The following COL6A2 variants were observed in gnomAD, a reference collection of about 807,000 sequenced individuals.
The protein encoded by COL6A2 is collagen type VI alpha 2 chain, also known as collagen alpha-2(VI) chain.
A neutral mutation model predicts 124.9 loss-of-function variants in COL6A2; 90 were observed. That is an observed-to-expected ratio of 0.72 (90% CI 0.61 to 0.86). The LOEUF (loss-of-function observed/expected upper bound fraction) is 0.86, where lower values mean the gene tolerates loss of function less well. Among genes scored for constraint, COL6A2 ranks in the 40% least tolerant of loss-of-function variants. The probability of loss-of-function intolerance (pLI) is 0.00; values close to 1 mark genes in which losing one functional copy is unlikely to be tolerated. For missense variants in COL6A2, 1,607 were observed against 1,502.5 expected (o/e 1.07, Z -1.15); for synonymous variants, 793 against 618.2 (o/e 1.28, Z -4.19).
intron 13 of COL6A2, 102 bp from the exon 14 acceptor site, chr21:46,118,928 C>A: frequency 2.8e-6 from 3 of 1,055,964 alleles, no homozygotes; most frequent in Non-Finnish European, 4.3e-6. Flanking sequence ...CAAGCAGATT[C>A]CGCTGGAAGA....
rs2094293845 is a variant in COL6A2 at position 46,119,055 on chromosome 21, C to T, written c.1205C>T (p.Pro402Leu). ...SKGYQGNSGA[P>L]GSPGVKGAKG... The stretch of plus-strand genomic sequence containing the variant: ...GGGTATCAAGGCAACAGTGGAGCCC[C>T]AGGAAGTCCTGGTGTGAAAGGAGCC... Residue 402 changes from proline to leucine, a missense_variant, in exon 14 of 28, where the codon CCA (proline) becomes CTA (leucine). This residue lies in a region of COL6A2 where 1,223 missense variants were observed against 1,052.2 expected (regional missense o/e 1.16). Transcript: ENST00000300527. 8 of 1,612,248 alleles carry T rather than the reference C, an allele frequency of 5.0e-6. No individual in the cohort carries two copies. The highest frequency in any genetic ancestry group is 6.8e-6 in the Non-Finnish European group (8 of 1,179,572).
chr21:46,123,949 A>G (rs1473686242), intron 21 of COL6A2, among the ~76,000 whole-genome samples: 8 of 138,408 alleles, frequency 5.8e-5, no homozygotes, highest in Non-Finnish European at 1.1e-4. Context: ...TGATGGGTGG[A>G]TGAGTGGATA....
chr21:46,130,521 T>G (rs957729214), intron 27 of COL6A2, among the ~76,000 whole-genome samples: 5 of 152,100 alleles, frequency 3.3e-5, no homozygotes, highest in African/African-American at 1.2e-4. Flanking sequence ...GTCTTCCCAC[T>G]GTGGGGATGA....
chr21:46,121,963 C>T (rs2078573401), intron 18 of COL6A2, 145 bp from the exon 19 acceptor site: 1 of 872,312 alleles, frequency 1.1e-6, no homozygotes, highest in African/African-American at 1.7e-5. Flanking sequence ...GAGGTTGGCC[C>T]TGCCAGGCCT....
rs563312824 is a variant in COL6A2 at position 46,100,518 on chromosome 21, T to G, written c.-28+2345T>G. Among the ~76,000 whole-genome samples, 5 of 152,258 alleles carry G rather than the reference T, an allele frequency of 3.3e-5. No individual in the cohort carries two copies. The East Asian group carries it at 7.7e-4, about 24-fold the overall frequency. ...CACCAAGGTCCATCTCCGGAACTCT[T>G]TTCCTCTTGTCAAACTGAAGCCCAT... On this transcript the variant is annotated intron_variant, in intron 1 of 27. Coordinates refer to ENST00000300527, the MANE Select transcript of COL6A2 (RefSeq NM_001849.4).
intron 1 of COL6A2, among the ~76,000 whole-genome samples, chr21:46,109,267 G>A (rs1416780964): frequency 6.6e-6 from 1 of 152,192 alleles, no homozygotes; most frequent in Admixed American, 6.5e-5. Flanking sequence ...TCTCAGCAGA[G>A]AGAGCACCTC....
chr21:46,132,671 A>ACG lies in COL6A2; in HGVS notation c.*120_*121insGC, dbSNP rs2078779145. 4.7e-5 allele frequency: 50 copies of ACG among 1,052,802 alleles called. No individual in the cohort carries two copies. The highest frequency in any genetic ancestry group is 6.9e-5 in the Non-Finnish European group (49 of 712,862). The allele number at this position is 1,052,802 out of a possible 1,614,324, so 65.2% of individuals were successfully genotyped here. On this transcript the variant is annotated 3_prime_UTR_variant, in exon 28 of 28. Coordinates refer to ENST00000300527, the MANE Select transcript of COL6A2 (RefSeq NM_001849.4). ...CACTCGGACGACGCCCTGGGCCTGC[A>ACG]CCTCTCCAGCTCCTCCCACGGGGTC...
intron 27 of COL6A2, chr21:46,129,004 T>A (rs577303006): frequency 6.2e-7 from 1 of 1,605,740 alleles, no homozygotes; most frequent in East Asian, 2.2e-5. Flanking sequence ...CAGCTTCCTG[T>A]CCCTGTGCTC....
At chr21:46,128,960 A>G (rs772834286) in intron 27 of COL6A2, 1 of 1,610,276 alleles carries the variant, frequency 6.2e-7, no homozygotes, top group Non-Finnish European at 8.5e-7. Flanking sequence ...GTGTCCCCCA[A>G]AGGTGCCACC....
intron 1 of COL6A2, among the ~76,000 whole-genome samples, chr21:46,110,922 G>A (rs941088245): frequency 3.4e-5 from 5 of 146,984 alleles, no homozygotes; most frequent in African/African-American, 1.2e-4. Context: ...GGCTAATGAC[G>A]GCTGTGTCCC....
intron 1 of COL6A2, among the ~76,000 whole-genome samples, chr21:46,100,658 C>T (rs570454190): frequency 4.8e-5 from 7 of 146,738 alleles, no homozygotes; most frequent in Non-Finnish European, 9.1e-5. Context: ...TGAAATGTCT[C>T]CTTTTGTGAC....
intron 17 of COL6A2, 100 bp from the exon 18 acceptor site, chr21:46,121,456 T>C: frequency 1.7e-6 from 2 of 1,153,784 alleles, no homozygotes; most frequent in Non-Finnish European, 2.6e-6. Context: ...GCTGCGGCCA[T>C]GTGGCCTGGT....
intron 25 of COL6A2, 83 bp from the exon 26 acceptor site, chr21:46,125,702 C>T: frequency 3.1e-6 from 5 of 1,593,216 alleles, no homozygotes; most frequent in Non-Finnish European, 4.3e-6. Flanking sequence ...CCAGACGCGT[C>T]CCTCCAACGA....
chr21:46,112,590 C>G lies in COL6A2; in HGVS notation c.714+13C>G. ...CATCAAGGTCATGGTGAGCCGCGGG[C>G]GGGAGCACCGTCCACGCGCCAGGGG... On this transcript the variant is annotated intron_variant, in intron 3 of 27. Transcript: ENST00000300527. 1 of 1,611,206 alleles carries G rather than the reference C, an allele frequency of 6.2e-7. No homozygotes were observed. The highest frequency in any genetic ancestry group is 2.2e-5 in the East Asian group (1 of 44,818).
At chr21:46,121,740 C>A in intron 18 of COL6A2, 122 bp downstream of exon 18, 1 of 949,028 alleles carries the variant, frequency 1.1e-6, no homozygotes, top group Non-Finnish European at 1.7e-6. Context: ...GGGCCTGTGC[C>A]TCCTGTTCTC....
chr21:46,103,482 C>T (rs141476090), intron 1 of COL6A2, among the ~76,000 whole-genome samples: 5 of 151,990 alleles, frequency 3.3e-5, no homozygotes, highest in African/African-American at 1.2e-4. Flanking sequence ...TTTCTAGTTC[C>T]TTACATTGTA....
intron 2 of COL6A2, 107 bp from the exon 3 acceptor site, chr21:46,111,872 T>C: frequency 8.1e-7 from 1 of 1,229,942 alleles, no homozygotes; most frequent in East Asian, 2.3e-5. Flanking sequence ...GGCTCTGGCA[T>C]TCGGGGGCAG....
Position 46,132,793 on chromosome 21 carries a change from C to G in COL6A2, c.*241C>G, listed in dbSNP as rs2123456990. 1.7e-6 allele frequency: 1 copy of G among 582,726 alleles called. No homozygotes were observed. The highest frequency in any genetic ancestry group is 3.1e-6 in the Non-Finnish European group (1 of 325,582). 36.1% of individuals were successfully genotyped at this position (582,726 alleles called of 1,614,324 possible). A position where few individuals can be genotyped will look rare whatever the true frequency, so the allele number is the denominator to read the frequency against. ...CTGCAGCCATCCCAAGGCTCCTGAC[C>G]TACCTGGCCCCTGAGCTCTGGAGCA... On this transcript the variant is annotated 3_prime_UTR_variant, in exon 28 of 28. Coordinates refer to ENST00000300527, the MANE Select transcript of COL6A2 (RefSeq NM_001849.4).
rs1262570025 is a variant in COL6A2 at position 46,132,591 on chromosome 21, C to T, written c.*39C>T. 4 of 1,546,172 alleles carry T rather than the reference C, an allele frequency of 2.6e-6. No individual in the cohort carries two copies. The highest frequency in any genetic ancestry group is 1.7e-6 in the Non-Finnish European group (2 of 1,147,416). On this transcript the variant is annotated 3_prime_UTR_variant, in exon 28 of 28. Coordinates refer to ENST00000300527, the MANE Select transcript of COL6A2 (RefSeq NM_001849.4). ...GCCCCGCAGTCGAGGGTCGTGAGCC[C>T]ACCCCGTCCATGGTGCTAAGCGGGC...
Sources: allele counts gnomAD v4.1 joint callset (sites outside exome capture counted in the v4.1 genomes callset), GRCh38; gene constraint gnomAD v4.1.1; regional missense constraint gnomAD v4.1.1; transcripts MANE v1.5; gene names NCBI Gene and HGNC (gene_info 2026-07-23, HGNC 2026-07-21).